The following PDLIM5 variants were observed in gnomAD, a reference collection of about 807,000 sequenced individuals.
PDLIM5 encodes the protein PDZ and LIM domain 5.
Under a neutral mutation model 64.2 loss-of-function variants are expected in PDLIM5, and 34 were observed. The observed-to-expected ratio is 0.53, with a 90% confidence interval of 0.40 to 0.71. The LOEUF (loss-of-function observed/expected upper bound fraction) is 0.71. Among genes scored for constraint, PDLIM5 ranks in the 30% least tolerant of loss-of-function variants. The pLI, the probability that PDLIM5 is intolerant of heterozygous loss-of-function variation, is 0.00. For synonymous variants in PDLIM5, 253 were observed against 269.1 expected (o/e 0.94, Z 0.59); for missense variants, 683 against 733.6 (o/e 0.93, Z 0.80).
intron 8 of PDLIM5, among the ~76,000 whole-genome samples, chr4:94,619,707 A>G (rs1180059665): frequency 1.3e-5 from 2 of 152,030 alleles, no homozygotes; most frequent in East Asian, 1.9e-4. Flanking sequence ...CAGTAGCACA[A>G]TCATAGCTCA....
At chr4:94,582,414 T>A in intron 5 of PDLIM5, 1 of 283,636 alleles carries the variant, frequency 3.5e-6, no homozygotes, top group Non-Finnish European at 6.5e-6. Context: ...TGAATTAGCA[T>A]TAATACATAA....
intron 8 of PDLIM5, among the ~76,000 whole-genome samples, chr4:94,621,554 G>T (rs1386441764): frequency 1.3e-5 from 2 of 152,208 alleles, no homozygotes; most frequent in Non-Finnish European, 2.9e-5. Context: ...AAAGTATATG[G>T]ACAGTGGAGG....
intron 2 of PDLIM5, among the ~76,000 whole-genome samples, chr4:94,460,582 C>G (rs1035185863): frequency 6.7e-5 from 10 of 148,602 alleles, no homozygotes; most frequent in African/African-American, 2.5e-4. Context: ...AGTCATGCCA[C>G]TGTACTCCAG....
Position 94,615,432 on chromosome 4 carries a change from TTTAC to T in PDLIM5, c.921-2569_921-2566del, listed in dbSNP as rs200624893. ...ACACAGTGCATGATGCGTTATTATA[TTTAC>T]TTCTATTATTATTAATTATGGATAA... On this transcript the variant is annotated intron_variant, in intron 7 of 12. Coordinates refer to ENST00000317968, the MANE Select transcript of PDLIM5 (RefSeq NM_006457.5). Among the ~76,000 whole-genome samples, 1,109 of 149,806 alleles carry T rather than the reference TTTAC, an allele frequency of 7.4e-3. 14 individuals are homozygous for T. The highest frequency in any genetic ancestry group is 0.026 in the African/African-American group (1,026 of 39,140).
chr4:94,562,884 G>A (rs1290745797), intron 3 of PDLIM5, among the ~76,000 whole-genome samples: 1 of 151,940 alleles, frequency 6.6e-6, no homozygotes, highest in African/African-American at 2.4e-5. Context: ...TATAATTTAT[G>A]TTTTCTATGG....
intron 2 of PDLIM5, among the ~76,000 whole-genome samples, chr4:94,483,297 TA>T: frequency 6.6e-6 from 1 of 152,250 alleles, no homozygotes; most frequent in African/African-American, 2.4e-5. Flanking sequence ...AAAACAAACT[TA>T]AAAATTTTAA....
At chr4:94,568,166 G>A (rs1560708926) in intron 3 of PDLIM5, among the ~76,000 whole-genome samples, 1 of 152,212 alleles carries the variant, frequency 6.6e-6, no homozygotes, top group East Asian at 1.9e-4. Context: ...ATCTAAACTA[G>A]AGGCTGTCAA....
At chr4:94,516,258 G>C (rs1578289770) in intron 2 of PDLIM5, among the ~76,000 whole-genome samples, 2 of 152,268 alleles carry the variant, frequency 1.3e-5, no homozygotes, top group East Asian at 3.9e-4. Context: ...GCTTTTATAA[G>C]GGAGGATGAC....
In PDLIM5 at chr4:94,647,309, A is replaced by C. The variant is rs1283254093; in HGVS notation, c.1283+6859A>C. Among the ~76,000 whole-genome samples, 5 of 152,192 alleles carry C rather than the reference A, an allele frequency of 3.3e-5. No individual in the cohort carries two copies. The East Asian group carries it at 9.6e-4, about 29-fold the overall frequency. On this transcript the variant is annotated intron_variant, in intron 9 of 12. Transcript: ENST00000317968. ...GTTACAAGTAAAAGTATAGAAAAAA[A>C]TATATTATGCAAATAGTAACCAAAA...
intron 7 of PDLIM5, chr4:94,587,092 C>T: frequency 6.3e-7 from 1 of 1,599,540 alleles, no homozygotes; most frequent in Non-Finnish European, 8.5e-7. Context: ...ATTTATGAGC[C>T]TTGCCCCCCA....
intron 6 of PDLIM5, 96 bp from the exon 7 acceptor site, chr4:94,586,312 T>C: frequency 2.9e-6 from 2 of 689,096 alleles, no homozygotes; most frequent in Non-Finnish European, 5.1e-6. Context: ...TCCATGGAAG[T>C]TGAACATTTG....
At chr4:94,478,650 G>A (rs1035964611) in intron 2 of PDLIM5, among the ~76,000 whole-genome samples, 4 of 151,970 alleles carry the variant, frequency 2.6e-5, no homozygotes, top group African/African-American at 9.7e-5. Context: ...TACCAAGTTA[G>A]GCACGTAAGT....
intron 2 of PDLIM5, among the ~76,000 whole-genome samples, chr4:94,486,743 T>G (rs1483707547): frequency 6.6e-6 from 1 of 152,218 alleles, no homozygotes; most frequent in African/African-American, 2.4e-5. Flanking sequence ...GGCTCATGCC[T>G]GCAATCCCAG....
intron 7 of PDLIM5, chr4:94,611,228 G>A: frequency 6.6e-7 from 1 of 1,522,756 alleles, no homozygotes; most frequent in East Asian, 2.5e-5. Flanking sequence ...ATGGCAAGTG[G>A]TGGTTCGCTG....
At chr4:94,533,879 G>C (rs1375988707) in intron 3 of PDLIM5, among the ~76,000 whole-genome samples, 2 of 152,148 alleles carry the variant, frequency 1.3e-5, no homozygotes, top group African/African-American at 4.8e-5. Context: ...GTCATTACCT[G>C]ACAAAGTCAG....
At chr4:94,455,144 T>C (rs570256864) in intron 1 of PDLIM5, 103 bp from the exon 2 acceptor site, 81 of 554,550 alleles carry the variant, frequency 1.5e-4, no homozygotes, top group Admixed American at 2.5e-4. Flanking sequence ...TTAAGACTTA[T>C]CTTCTATATC....
At chr4:94,601,121 T>G (rs1356042992) in intron 7 of PDLIM5, among the ~76,000 whole-genome samples, 4 of 152,090 alleles carry the variant, frequency 2.6e-5, no homozygotes, top group Admixed American at 1.3e-4. Flanking sequence ...AACAAAAATA[T>G]CATGGACTGG....
chr4:94,654,751 C>T, intron 10 of PDLIM5, 111 bp downstream of exon 10: 1 of 694,940 alleles, frequency 1.4e-6, no homozygotes, highest in Non-Finnish European at 2.5e-6. Flanking sequence ...TTTATGCCCT[C>T]TCTGCTTTCG....
In PDLIM5 at chr4:94,590,189, T is replaced by G. The variant is rs540691934; in HGVS notation, c.920+3745T>G. On this transcript the variant is annotated intron_variant, in intron 7 of 12. Transcript: ENST00000317968. ...ATTTGTGGAAAACAAAAGCATTCTT[T>G]CGTGCATCATTGTGCCCTTTAGGAA... Among the ~76,000 whole-genome samples, 10 of 152,368 alleles carry G rather than the reference T, an allele frequency of 6.6e-5. No individual in the cohort carries two copies. The South Asian group carries it at 1.2e-3, about 19-fold the overall frequency.
Sources: gnomAD v4.1 joint callset for allele counts (sites outside exome capture counted in the v4.1 genomes callset) on GRCh38, gnomAD v4.1.1 for gene constraint, MANE v1.5 for transcripts, NCBI Gene and HGNC (gene_info 2026-07-23, HGNC 2026-07-21) for gene names.